Variants in CSMD1 observed in about 807,000 individuals in gnomAD.
CSMD1 encodes the protein CUB and sushi domain-containing protein 1.
A neutral mutation model predicts 417.5 loss-of-function variants in CSMD1; 213 were observed. The observed-to-expected ratio is 0.51, with a 90% CI of 0.46 to 0.57. The LOEUF is 0.57. Among genes scored for constraint, CSMD1 ranks in the 20% least tolerant of loss-of-function variants. The pLI, the probability that CSMD1 is intolerant of heterozygous loss-of-function variation, is 0.00. For synonymous variants in CSMD1, 2,862 were observed against 1,736.8 expected, an observed-to-expected ratio of 1.65 and a Z score of -16.11; for missense variants, 6,923 against 4,529.7, an observed-to-expected ratio of 1.53 and a Z score of -15.17.
chr8:3,470,269 T>C (rs1331649225), intron 11 of CSMD1, among the ~76,000 whole-genome samples: 2 of 152,240 alleles, frequency 1.3e-5, no homozygotes, highest in Non-Finnish European at 2.9e-5. Context: ...GTAGTATTGT[T>C]TCATTTACTT....
At chr8:3,486,054 A>G (rs1818013748) in intron 11 of CSMD1, among the ~76,000 whole-genome samples, 2 of 152,160 alleles carry the variant, frequency 1.3e-5, no homozygotes, top group Non-Finnish European at 2.9e-5. Flanking sequence ...GCAGATAGAA[A>G]TGATATCTTT....
intron 1 of CSMD1, among the ~76,000 whole-genome samples, chr8:4,833,225 GACTC>G (rs1470812331): frequency 6.6e-6 from 1 of 152,172 alleles, no homozygotes; most frequent in Non-Finnish European, 1.5e-5. Context: ...TGGATTAACT[GACTC>G]ACAATTCCAC....
At chr8:4,023,733 C>T (rs533451257) in intron 4 of CSMD1, among the ~76,000 whole-genome samples, 3 of 148,942 alleles carry the variant, frequency 2.0e-5, no homozygotes, top group Non-Finnish European at 4.4e-5. Context: ...ACTACAAGCG[C>T]CCACCGCTAC....
At chr8:3,936,379 T>C (rs1219934944) in intron 5 of CSMD1, among the ~76,000 whole-genome samples, 1 of 152,102 alleles carries the variant, frequency 6.6e-6, no homozygotes, top group Non-Finnish European at 1.5e-5. Context: ...TTTTCATAGC[T>C]AGAGAAAAGA....
At chr8:4,604,944 T>C (rs1585318733) in intron 2 of CSMD1, among the ~76,000 whole-genome samples, 1 of 152,176 alleles carries the variant, frequency 6.6e-6, no homozygotes, top group South Asian at 2.1e-4. Context: ...TTGCCAGAGA[T>C]GTAATTTGTT....
At chr8:4,087,432 T>C (rs1464380153) in intron 3 of CSMD1, among the ~76,000 whole-genome samples, 1 of 152,232 alleles carries the variant, frequency 6.6e-6, no homozygotes, top group Non-Finnish European at 1.5e-5. Flanking sequence ...ATTCTCTCAA[T>C]GTTAAATTAA....
intron 3 of CSMD1, among the ~76,000 whole-genome samples, chr8:4,236,634 G>A (rs1388487489): frequency 1.3e-5 from 2 of 152,144 alleles, no homozygotes; most frequent in Admixed American, 6.5e-5. Context: ...AAAGAATTCA[G>A]CCAAAATCAA....
At chr8:3,955,692 G>A (rs536331053) in intron 5 of CSMD1, among the ~76,000 whole-genome samples, 6 of 152,236 alleles carry the variant, frequency 3.9e-5, no homozygotes. Flanking sequence ...GAGGAAAGAG[G>A]ATGAATACGT....
chr8:3,343,333 C>T lies in CSMD1; in HGVS notation c.3592G>A (p.Gly1198Arg). The T allele has an allele frequency of 6.2e-7, 1 of 1,613,732 alleles. No homozygotes were observed. Among genetic ancestry groups the T allele is most frequent in the South Asian group, 1.1e-5 (1 of 91,076 alleles). Reference protein sequence around the residue: ...NHLWLEFNTNGSDTDQGFQLT... With the variant: ...NHLWLEFNTNRSDTDQGFQLT... The stretch of plus-strand genomic sequence containing the variant: ...TGAAAACCTTGGTCGGTGTCAGATC[C>T]ATTGGTGTTGAACTCTAGCCACAGG... Residue 1198 changes from glycine (G) to arginine (R), a missense_variant, in exon 23 of 70, where the codon GGA becomes AGA. Physicochemically the swap from Gly to Arg is moderately radical, Grantham distance 125. Transcript: ENST00000635120.
chr8:3,649,142 T>C (rs1449260481), intron 7 of CSMD1, among the ~76,000 whole-genome samples: 2 of 152,202 alleles, frequency 1.3e-5, no homozygotes, highest in African/African-American at 2.4e-5. Flanking sequence ...CAGTTTACAA[T>C]GCAACCTTTA....
intron 46 of CSMD1, among the ~76,000 whole-genome samples, chr8:3,100,812 T>C (rs1342988971): frequency 1.3e-5 from 2 of 152,184 alleles, no homozygotes; most frequent in Non-Finnish European, 2.9e-5. Flanking sequence ...TTGGGATTTA[T>C]GAGTAACTAA....
At chr8:3,592,678 GT>G (rs1454074467) in intron 8 of CSMD1, among the ~76,000 whole-genome samples, 5 of 127,504 alleles carry the variant, frequency 3.9e-5, no homozygotes, top group African/African-American at 2.4e-4. Flanking sequence ...GCACATCCGT[GT>G]GTGTGTGCAC....
chr8:4,921,423 T>C (rs1401595470), intron 1 of CSMD1, among the ~76,000 whole-genome samples: 2 of 152,224 alleles, frequency 1.3e-5, no homozygotes, highest in Non-Finnish European at 2.9e-5. Flanking sequence ...AATGGGAGTT[T>C]ATATTTTTAA....
At chr8:4,247,312 C>T (rs544859380) in intron 3 of CSMD1, among the ~76,000 whole-genome samples, 20 of 152,250 alleles carry the variant, frequency 1.3e-4, no homozygotes, top group African/African-American at 4.1e-4. Context: ...GTCTTCTCTA[C>T]CACACTGCCC....
rs899585156 is a variant in CSMD1, at chr8:3,925,241, A to G, written c.818+72662T>C. On this transcript the variant is annotated intron_variant, in intron 5 of 69. Coordinates refer to ENST00000635120, the MANE Select transcript of CSMD1 (RefSeq NM_033225.6). ...GGGCTATTTTGCTTTACAGCGACCT[A>G]TAAGTAATGCATTTGGGGAATGTGC... is the stretch of plus-strand genomic sequence containing the variant. Among the ~76,000 whole-genome samples, 31 of 152,348 alleles carry G rather than the reference A, an allele frequency of 2.0e-4. No homozygotes were observed. In the South Asian group the frequency reaches 2.1e-3, roughly 10 times the overall value.
intron 5 of CSMD1, among the ~76,000 whole-genome samples, chr8:3,929,644 A>C (rs534898214): frequency 6.8e-6 from 1 of 146,634 alleles, no homozygotes; most frequent in Non-Finnish European, 1.5e-5. Flanking sequence ...GTTTCAAAAC[A>C]TATTTGTATG....
At chr8:3,317,399 T>C (rs1002285436) in intron 23 of CSMD1, among the ~76,000 whole-genome samples, 1 of 152,220 alleles carries the variant, frequency 6.6e-6, no homozygotes, top group East Asian at 1.9e-4. Context: ...GCTATAGGCA[T>C]AGACAGTATG....
chr8:3,420,975 T>G (rs1013085475), intron 12 of CSMD1, among the ~76,000 whole-genome samples: 3 of 152,168 alleles, frequency 2.0e-5, no homozygotes, highest in African/African-American at 7.2e-5. Context: ...ACTGCCTATT[T>G]ATAGTTTTCC....
intron 2 of CSMD1, among the ~76,000 whole-genome samples, chr8:4,535,869 T>A (rs1362051422): frequency 6.6e-6 from 1 of 152,228 alleles, no homozygotes; most frequent in Non-Finnish European, 1.5e-5. Context: ...AACTTAGGGT[T>A]ACTGAGCTTT....
Sources: gnomAD v4.1 joint callset for allele counts (sites outside exome capture counted in the v4.1 genomes callset) on GRCh38, gnomAD v4.1.1 for gene constraint, MANE v1.5 for transcripts, NCBI Gene and HGNC (gene_info 2026-07-23, HGNC 2026-07-21) for gene names.